VWC2L: variants seen among roughly 807,000 people sequenced by gnomAD.
The protein encoded by VWC2L is von Willebrand factor C domain-containing protein 2-like.
VWC2L carries 10 observed loss-of-function variants against 21.6 expected under a neutral mutation model. The ratio of observed to expected loss-of-function variants is 0.46; its 90% CI spans 0.29 to 0.78. VWC2L has a LOEUF of 0.78. Ranked by LOEUF, VWC2L falls within the 30% of genes least tolerant of loss-of-function variation. The pLI, the probability that VWC2L is intolerant of heterozygous loss-of-function variation, is 0.10. For missense variants in VWC2L, 209 were observed against 277.1 expected (o/e 0.75, Z 1.74); for synonymous variants, 96 against 94.3 (o/e 1.02, Z -0.10).
intron 3 of VWC2L, among the ~76,000 whole-genome samples, chr2:214,441,912 A>G (rs998427486): frequency 2.0e-5 from 3 of 151,066 alleles, no homozygotes; most frequent in Admixed American, 1.3e-4. Flanking sequence ...TTTAAATAAG[A>G]TACCTTTTTT....
chr2:214,454,389 T>C (rs1259749372), intron 3 of VWC2L, among the ~76,000 whole-genome samples: 1 of 152,032 alleles, frequency 6.6e-6, no homozygotes, highest in African/African-American at 2.4e-5. Context: ...TTCCTAAGTA[T>C]AATTTTATTA....
chr2:214,553,076 C>T (rs1211545781), intron 3 of VWC2L, among the ~76,000 whole-genome samples: 1 of 152,166 alleles, frequency 6.6e-6, no homozygotes, highest in Non-Finnish European at 1.5e-5. Flanking sequence ...CAGCCCATCC[C>T]CTCTTCTCCA....
At chr2:214,573,646 C>T (rs1574644536) in intron 3 of VWC2L, among the ~76,000 whole-genome samples, 1 of 152,296 alleles carries the variant, frequency 6.6e-6, no homozygotes, top group Middle Eastern at 3.4e-3. Context: ...CTGGAAAAAC[C>T]TCTCTGCCAA....
chr2:214,441,995 T>A (rs1219000306), intron 3 of VWC2L, among the ~76,000 whole-genome samples: 1 of 151,702 alleles, frequency 6.6e-6, no homozygotes. Context: ...CACTGCAACC[T>A]CCGCATCCTG....
chr2:214,528,655 A>G (rs947095191), intron 3 of VWC2L, among the ~76,000 whole-genome samples: 3 of 152,124 alleles, frequency 2.0e-5, no homozygotes, highest in South Asian at 2.1e-4. Flanking sequence ...ACGGGTAACC[A>G]GATCACTACA....
chr2:214,506,108 G>A (rs2105903380), intron 3 of VWC2L, among the ~76,000 whole-genome samples: 1 of 152,252 alleles, frequency 6.6e-6, no homozygotes, highest in South Asian at 2.1e-4. Context: ...GAATTTGAAA[G>A]ATATTATCTC....
intron 3 of VWC2L, among the ~76,000 whole-genome samples, chr2:214,574,054 A>G (rs1690192056): frequency 6.6e-6 from 1 of 152,212 alleles, no homozygotes; most frequent in African/African-American, 2.4e-5. Flanking sequence ...AGGCAGGAGA[A>G]TTGCTCAAGT....
chr2:214,467,598 T>C (rs749476555), intron 3 of VWC2L, among the ~76,000 whole-genome samples: 31 of 152,222 alleles, frequency 2.0e-4, no homozygotes, highest in Admixed American at 1.1e-3. Context: ...TTATGGTTTC[T>C]AGTGCACTGT....
At chr2:214,511,113 C>T (rs987202673) in intron 3 of VWC2L, among the ~76,000 whole-genome samples, 1 of 151,826 alleles carries the variant, frequency 6.6e-6, no homozygotes, top group East Asian at 1.9e-4. Context: ...ATGGAGAGAC[C>T]CCATCTCCAC....
chr2:214,503,376 G>T (rs1261045056), intron 3 of VWC2L, among the ~76,000 whole-genome samples: 1 of 151,878 alleles, frequency 6.6e-6, no homozygotes, highest in African/African-American at 2.4e-5. Flanking sequence ...TGTAAACTTA[G>T]GTTAAAGAAA....
chr2:214,510,005 G>A (rs1689028952), intron 3 of VWC2L, among the ~76,000 whole-genome samples: 3 of 152,164 alleles, frequency 2.0e-5, no homozygotes, highest in Non-Finnish European at 4.4e-5. Context: ...CTATAAACTA[G>A]TAAAATAAGA....
At chr2:214,515,723 T>G (rs1689131509) in intron 3 of VWC2L, among the ~76,000 whole-genome samples, 1 of 151,982 alleles carries the variant, frequency 6.6e-6, no homozygotes, top group South Asian at 2.1e-4. Context: ...CCGGCTAATT[T>G]TTTGTATTTT....
intron 3 of VWC2L, among the ~76,000 whole-genome samples, chr2:214,454,598 C>CTTTTTTTTTTTTT (rs34032234): frequency 1.6e-5 from 1 of 64,144 alleles, no homozygotes; most frequent in Non-Finnish European, 2.7e-5. Context: ...GATTGATTTT[C>CTTTTTTTTTTTTT]TTTTTTTTTT....
chr2:214,514,063 T>A (rs1205801091), intron 3 of VWC2L, among the ~76,000 whole-genome samples: 1 of 152,094 alleles, frequency 6.6e-6, no homozygotes, highest in Non-Finnish European at 1.5e-5. Context: ...GTTCAGCCCA[T>A]ATACACACAC....
intron 3 of VWC2L, among the ~76,000 whole-genome samples, chr2:214,492,938 G>T (rs1688764258): frequency 6.6e-6 from 1 of 152,134 alleles, no homozygotes; most frequent in Non-Finnish European, 1.5e-5. Flanking sequence ...TTTCATTCAG[G>T]TTTCATTGGT....
In VWC2L at chr2:214,521,243, AT is replaced by A. The variant is rs1158176056; in HGVS notation, c.521-54428del. On this transcript the variant is annotated intron_variant, in intron 3 of 3. Transcript: ENST00000312504. The stretch of plus-strand genomic sequence containing the variant: ...CTGACTCCATCTCAAAGATAAATAA[AT>A]AAATAAATAAATAAATAAATAAATA... Among the ~76,000 whole-genome samples the A allele has an allele frequency of 5.4e-5, 4 of 73,636 alleles. No individual in the cohort carries two copies. The East Asian group carries it at 2.8e-3, about 52-fold the overall frequency. The allele number at this position is 73,636 out of a possible 152,430, so 48.3% of individuals were successfully genotyped here.
In VWC2L at chr2:214,505,379, C is replaced by T. The variant is rs367967296; in HGVS notation, c.520+68621C>T. ...AAGATTTAAAGAATACTCCCCTGTA[C>T]TACTCTATAATTTGTTCTCTTTTTT... On this transcript the variant is annotated intron_variant, in intron 3 of 3. Transcript: ENST00000312504. Among the ~76,000 whole-genome samples, 7 of 152,276 alleles carry T rather than the reference C, an allele frequency of 4.6e-5. No homozygotes were observed. In the South Asian group the frequency reaches 1.2e-3, roughly 27 times the overall value.
At chr2:214,496,027 C>G (rs2126203195) in intron 3 of VWC2L, among the ~76,000 whole-genome samples, 1 of 152,168 alleles carries the variant, frequency 6.6e-6, no homozygotes, top group South Asian at 2.1e-4. Context: ...TCTGCTTACA[C>G]AAACCTAGAT....
At chr2:214,526,703 G>A (rs1015096932) in intron 3 of VWC2L, among the ~76,000 whole-genome samples, 15 of 152,028 alleles carry the variant, frequency 9.9e-5, no homozygotes, top group Admixed American at 5.2e-4. Flanking sequence ...GCCAGCTTGC[G>A]CCCTTGCTTA....
Sources: allele counts gnomAD v4.1 joint callset (sites outside exome capture counted in the v4.1 genomes callset), GRCh38; gene constraint gnomAD v4.1.1; transcripts MANE v1.5; gene names NCBI Gene and HGNC (gene_info 2026-07-23, HGNC 2026-07-21).